The following SEMA3E variants were observed in gnomAD, a reference collection of about 807,000 sequenced individuals.
The protein encoded by SEMA3E is semaphorin-3E.
Under a neutral mutation model 93.6 loss-of-function variants are expected in SEMA3E, and 49 were observed. The observed-to-expected ratio is 0.52, with a 90% CI of 0.42 to 0.66. SEMA3E has a LOEUF of 0.66. SEMA3E is among the 30% of genes least tolerant of loss of function. SEMA3E has a pLI of 0.00. For synonymous variants in SEMA3E, 363 were observed against 330.7 expected (o/e 1.10, Z -1.06); for missense variants, 906 against 964.8 (o/e 0.94, Z 0.81).
chr7:83,431,214 A>G (rs1788876644), intron 4 of SEMA3E, among the ~76,000 whole-genome samples: 1 of 102,222 alleles, frequency 9.8e-6, no homozygotes, highest in Admixed American at 1.2e-4. Flanking sequence ...TTAATGGTTG[A>G]ATTATATTTG....
At chr7:83,383,769 T>C (rs1787827562) in intron 16 of SEMA3E, among the ~76,000 whole-genome samples, 1 of 152,016 alleles carries the variant, frequency 6.6e-6, no homozygotes, top group South Asian at 2.1e-4. Context: ...AGGCAGATTA[T>C]GGTGAGTTCC....
intron 4 of SEMA3E, among the ~76,000 whole-genome samples, chr7:83,432,857 A>G (rs1584245511): frequency 6.6e-6 from 1 of 152,316 alleles, no homozygotes; most frequent in Non-Finnish European, 1.5e-5. Context: ...AACATTGATC[A>G]ATACAGAAAA....
chr7:83,479,387 C>A (rs1790095206), intron 2 of SEMA3E, among the ~76,000 whole-genome samples: 1 of 152,134 alleles, frequency 6.6e-6, no homozygotes, highest in Admixed American at 6.5e-5. Context: ...TCTATCTTGT[C>A]TACTGTATTA....
In SEMA3E at chr7:83,367,800, C is replaced by A; in HGVS notation, c.2114G>T (p.Gly705Val). 1 of 1,614,104 alleles carries A rather than the reference C, an allele frequency of 6.2e-7. No homozygotes were observed. The highest frequency in any genetic ancestry group is 8.5e-7 in the Non-Finnish European group (1 of 1,180,006). ...PCPAQSSISQ[G>V]AKPWYKEFLQ... ...GAATTCCTTGTACCATGGTTTTGCT[C>A]CCTGCGAGATGCTACTCTGAGCAGG... The change falls in exon 17 of 17, where the codon GGA becomes GTA. Residue 705 changes from glycine to valine, a missense_variant. Gly to Val is a moderately radical substitution (Grantham distance 109, BLOSUM62 -3). Coordinates refer to ENST00000643230, the MANE Select transcript of SEMA3E (RefSeq NM_012431.3).
intron 1 of SEMA3E, among the ~76,000 whole-genome samples, chr7:83,545,727 T>C (rs1421094997): frequency 6.7e-6 from 1 of 149,874 alleles, no homozygotes; most frequent in Non-Finnish European, 1.5e-5. Flanking sequence ...TCCAGTAGTA[T>C]ACTGTATGGA....
intron 1 of SEMA3E, among the ~76,000 whole-genome samples, chr7:83,640,427 GC>G (rs368611471): frequency 7.6e-4 from 116 of 152,294 alleles, no homozygotes; most frequent in African/African-American, 2.8e-3. Flanking sequence ...CCTGTGCAGT[GC>G]CCTAATTCCT....
chr7:83,569,840 C>T (rs1316150361), intron 1 of SEMA3E, among the ~76,000 whole-genome samples: 1 of 152,134 alleles, frequency 6.6e-6, no homozygotes, highest in Non-Finnish European at 1.5e-5. Context: ...CAAAGACATT[C>T]TGGACTTAAA....
At chr7:83,424,179 T>A (rs1788725196) in intron 4 of SEMA3E, among the ~76,000 whole-genome samples, 1 of 152,110 alleles carries the variant, frequency 6.6e-6, no homozygotes, top group African/African-American at 2.4e-5. Flanking sequence ...GTAGACAACG[T>A]CAGATTAGAT....
At chr7:83,570,566 A>C (rs1203793881) in intron 1 of SEMA3E, among the ~76,000 whole-genome samples, 8 of 143,392 alleles carry the variant, frequency 5.6e-5, no homozygotes, top group African/African-American at 2.2e-4. Context: ...AAAAAAAAAA[A>C]AAAAAAGAAG....
intron 4 of SEMA3E, among the ~76,000 whole-genome samples, chr7:83,462,920 T>C (rs916136677): frequency 1.8e-5 from 2 of 111,552 alleles, no homozygotes; most frequent in African/African-American, 5.6e-5. Flanking sequence ...CAAACATGCT[T>C]TCTTTACTAT....
intron 1 of SEMA3E, among the ~76,000 whole-genome samples, chr7:83,603,534 C>A (rs1359566206): frequency 6.6e-6 from 1 of 152,006 alleles, no homozygotes; most frequent in East Asian, 1.9e-4. Flanking sequence ...AATGACATAT[C>A]TTTTCAGAAA....
At position 83,602,802 on chromosome 7, in the gene SEMA3E, A is replaced by C. The variant is rs182345959; in HGVS notation, c.115+45626T>G. Among the ~76,000 whole-genome samples the C allele has an allele frequency of 4.0e-3, 604 of 151,984 alleles. 2 individuals are homozygous for C. Among genetic ancestry groups the C allele is most frequent in the Middle Eastern group, 6.8e-3 (2 of 294 alleles). Reference sequence around the variant, plus strand: ...AGAAGCACTCTTAAATATTAGTTTCATTTTCTTTTTATGGCTCTCATCACC... The same window carrying C: ...AGAAGCACTCTTAAATATTAGTTTCCTTTTCTTTTTATGGCTCTCATCACC... On this transcript the variant is annotated intron_variant, in intron 1 of 16. Coordinates refer to ENST00000643230, the MANE Select transcript of SEMA3E (RefSeq NM_012431.3).
intron 6 of SEMA3E, among the ~76,000 whole-genome samples, chr7:83,407,519 C>G (rs536893584): frequency 6.6e-6 from 1 of 152,060 alleles, no homozygotes; most frequent in East Asian, 1.9e-4. Flanking sequence ...ACATGCAATG[C>G]GAACTTAAAA....
At chr7:83,391,459 T>C (rs1201801448) in intron 14 of SEMA3E, among the ~76,000 whole-genome samples, 1 of 152,186 alleles carries the variant, frequency 6.6e-6, no homozygotes, top group African/African-American at 2.4e-5. Flanking sequence ...ATTATGTGAC[T>C]ATATTCTTCA....
Position 83,385,419 on chromosome 7 carries a change from T to C in SEMA3E, c.1750A>G (p.Lys584Glu), listed in dbSNP as rs576576885. The change falls in exon 16 of 17, where the codon AAG becomes GAG. Residue 584 changes from lysine (K) to glutamate (E), a missense_variant. By Grantham distance (56) the Lys-to-Glu change is moderately conservative. Transcript: ENST00000643230. Reference protein sequence around the residue: ...GQQFVGDALDKTEEHLAYGIE... With the variant: ...GQQFVGDALDETEEHLAYGIE... ...CCATAAGCCAGATGTTCTTCAGTCT[T>C]ATCCAAAGCATCCCCTACAACAGGA... is the stretch of plus-strand genomic sequence containing the variant. The C allele has an allele frequency of 3.1e-6, 5 of 1,613,450 alleles. No individual in the cohort carries two copies. The highest frequency in any genetic ancestry group is 2.7e-5 in the African/African-American group (2 of 75,002).
chr7:83,458,662 G>A (rs1789543501), intron 4 of SEMA3E, among the ~76,000 whole-genome samples: 1 of 151,764 alleles, frequency 6.6e-6, no homozygotes, highest in Admixed American at 6.6e-5. Context: ...ACTATGCTGT[G>A]TATGGTACAT....
intron 1 of SEMA3E, among the ~76,000 whole-genome samples, chr7:83,531,764 G>A (rs973906285): frequency 2.6e-5 from 4 of 152,074 alleles, no homozygotes; most frequent in South Asian, 2.1e-4. Context: ...GATACTGAGC[G>A]TAAAAATGAA....
chr7:83,435,638 AAGAC>A (rs1378353141), intron 4 of SEMA3E, among the ~76,000 whole-genome samples: 8 of 152,130 alleles, frequency 5.3e-5, no homozygotes, highest in South Asian at 2.1e-4. Flanking sequence ...AGAAAAAAGA[AAGAC>A]AGAAACTATT....
chr7:83,458,320 T>A (rs1245520133), intron 4 of SEMA3E, among the ~76,000 whole-genome samples: 1 of 151,292 alleles, frequency 6.6e-6, no homozygotes, highest in East Asian at 1.9e-4. Flanking sequence ...TCAAAGAAAA[T>A]GATGATAAAC....
Sources: allele counts gnomAD v4.1 joint callset (sites outside exome capture counted in the v4.1 genomes callset), GRCh38; gene constraint gnomAD v4.1.1; transcripts MANE v1.5; gene names NCBI Gene and HGNC (gene_info 2026-07-23, HGNC 2026-07-21).